DNAH8: variants seen among roughly 807,000 people sequenced by gnomAD.
DNAH8 encodes dynein axonemal heavy chain 8.
DNAH8 carries 382 observed loss-of-function variants against 562.1 expected under a neutral mutation model. That is an observed-to-expected ratio of 0.68 (90% CI 0.63 to 0.74). The LOEUF is 0.74. Among genes scored for constraint, DNAH8 ranks in the 30% least tolerant of loss-of-function variants. The pLI is 0.00. For synonymous variants in DNAH8, 1,881 were observed against 1,919.4 expected (o/e 0.98, Z 0.52); for missense variants, 5,203 against 5,620.4 (o/e 0.93, Z 2.37).
intron 57 of DNAH8, among the ~76,000 whole-genome samples, chr6:38,888,487 T>A (rs1779115100): frequency 6.6e-6 from 1 of 152,024 alleles, no homozygotes; most frequent in Non-Finnish European, 1.5e-5. Flanking sequence ...ACACATATAA[T>A]AACAACAAAA....
chr6:38,733,972 T>A, intron 4 of DNAH8, among the ~76,000 whole-genome samples: 1 of 128,178 alleles, frequency 7.8e-6, no homozygotes, highest in African/African-American at 2.8e-5. Context: ...AGTGGCTCCA[T>A]CTAAAAAAAA....
rs1425855827 is a variant in DNAH8, at chr6:38,965,637, C to G, written c.12452-5955C>G. 3.9e-5 allele frequency among the ~76,000 whole-genome samples: 6 copies of G among 152,210 alleles called. No individual in the cohort carries two copies. The East Asian group carries it at 1.2e-3, about 29-fold the overall frequency. On this transcript the variant is annotated intron_variant, in intron 82 of 92. Transcript: ENST00000327475. The stretch of plus-strand genomic sequence containing the variant: ...CAAATACAAACAATTAAAACAAAAC[C>G]TAAACCACCAAAGTGTAATTATACT...
At chr6:38,774,505 C>G (rs1049519008) in intron 12 of DNAH8, among the ~76,000 whole-genome samples, 1 of 152,154 alleles carries the variant, frequency 6.6e-6, no homozygotes, top group Non-Finnish European at 1.5e-5. Context: ...TTATGTTGCT[C>G]TGTGTGGTAT....
intron 56 of DNAH8, among the ~76,000 whole-genome samples, chr6:38,884,732 G>C (rs1478554385): frequency 7.2e-5 from 11 of 152,128 alleles, no homozygotes; most frequent in Non-Finnish European, 1.5e-5. Flanking sequence ...TTTCTGAGGA[G>C]TACGTGATGT....
At chr6:38,942,054 G>A (rs1449897669) in intron 79 of DNAH8, among the ~76,000 whole-genome samples, 2 of 152,104 alleles carry the variant, frequency 1.3e-5, no homozygotes, top group African/African-American at 4.8e-5. Flanking sequence ...CATGAAAGGA[G>A]CCATCTATGC....
At chr6:38,941,019 C>T (rs1431001993) in intron 79 of DNAH8, among the ~76,000 whole-genome samples, 1 of 151,834 alleles carries the variant, frequency 6.6e-6, no homozygotes. Flanking sequence ...ACTCGGGAAG[C>T]TGAAGCAGGA....
At chr6:38,982,142 G>T (rs142823278) in intron 85 of DNAH8, among the ~76,000 whole-genome samples, 1 of 152,162 alleles carries the variant, frequency 6.6e-6, no homozygotes, top group Admixed American at 6.5e-5. Context: ...AGATGTTTGC[G>T]TGAGGAAATT....
Position 39,012,254 on chromosome 6 carries a change from A to G in DNAH8, c.13411A>G (p.Met4471Val), listed in dbSNP as rs979919245. 26 of 1,611,930 alleles carry G rather than the reference A, an allele frequency of 1.6e-5. No individual in the cohort carries two copies. Among genetic ancestry groups the G allele is most frequent in the South Asian group, 3.3e-5 (3 of 90,978 alleles). ...GATAAAGATGGGCCATCTTAATTCA[A>G]TGAACATATTTCTTAGACAAGAAAT... ...RLIKMGHLNS[M>V]NIFLRQEIDR... The change falls in exon 90 of 93, where the codon ATG becomes GTG. Residue 4471 changes from methionine (M) to valine (V), a missense_variant. This residue lies in a region of DNAH8 where 1,399 missense variants were observed against 1,518.4 expected (regional missense o/e 0.92). Transcript: ENST00000327475.
chr6:38,829,270 C>A (rs113216370), intron 30 of DNAH8, among the ~76,000 whole-genome samples: 6 of 152,104 alleles, frequency 3.9e-5, no homozygotes, highest in African/African-American at 1.4e-4. Context: ...CAAATGTTTT[C>A]TCTTCTGTGG....
rs76963588 is a variant in DNAH8, at chr6:38,810,988, T to C, written c.3258-3066T>C. 1.1e-3 allele frequency among the ~76,000 whole-genome samples: 170 copies of C among 152,330 alleles called. 2 individuals are homozygous for C. The highest frequency in any genetic ancestry group is 3.9e-3 in the African/African-American group (164 of 41,582). On this transcript the variant is annotated intron_variant, in intron 24 of 92. Coordinates refer to ENST00000327475, the MANE Select transcript of DNAH8 (RefSeq NM_001206927.2). Reference sequence around the variant, plus strand: ...TTTCTTCATTTTTTTCTGAGTTTTGTTGCTGCTGATGAGAAGTCTGCAAGA... The same window carrying C: ...TTTCTTCATTTTTTTCTGAGTTTTGCTGCTGCTGATGAGAAGTCTGCAAGA...
intron 57 of DNAH8, 142 bp from the exon 58 acceptor site, chr6:38,890,510 C>T (rs1326082173): frequency 4.7e-6 from 3 of 643,676 alleles, no homozygotes; most frequent in South Asian, 1.9e-5. Flanking sequence ...CCACTACTGA[C>T]TCCCAGTCTT....
chr6:38,789,516 C>T (rs535871003), intron 18 of DNAH8, among the ~76,000 whole-genome samples: 31 of 152,108 alleles, frequency 2.0e-4, no homozygotes, highest in South Asian at 6.2e-4. Context: ...TGACAGATAT[C>T]ACAAAAAGAT....
rs946839192 is a variant in DNAH8 at position 38,842,380 on chromosome 6, C to G, written c.4479C>G (p.Asn1493Lys). 11 of 1,601,552 alleles carry G rather than the reference C, an allele frequency of 6.9e-6. No individual in the cohort carries two copies. In the Admixed American group the frequency reaches 7.0e-5, roughly 10 times the overall value. Reference sequence around the variant, plus strand: ...CTTTGTTTCCCAGAAAAGAACTCAACTTGCTGCAGAAGCTGTATGGATTGT... The same window carrying G: ...CTTTGTTTCCCAGAAAAGAACTCAAGTTGCTGCAGAAGCTGTATGGATTGT... Reference protein sequence around the residue: ...EVLHKTRKELNLLQKLYGLYD... With the variant: ...EVLHKTRKELKLLQKLYGLYD... The change falls in exon 34 of 93, where the codon AAC (asparagine) becomes AAG (lysine). Residue 1493 changes from asparagine to lysine, a missense_variant. Physicochemically the swap from Asn to Lys is moderately conservative, Grantham distance 94. This residue lies in a region of DNAH8 where 2,176 missense variants were observed against 2,365.1 expected (regional missense o/e 0.92). Transcript: ENST00000327475.
intron 87 of DNAH8, among the ~76,000 whole-genome samples, chr6:38,988,340 G>T (rs1031637243): frequency 6.6e-6 from 1 of 152,158 alleles, no homozygotes; most frequent in Non-Finnish European, 1.5e-5. Flanking sequence ...TGTATAAAGT[G>T]CTGGGAAAAT....
intron 31 of DNAH8, among the ~76,000 whole-genome samples, chr6:38,833,017 A>T (rs1314301660): frequency 2.6e-5 from 4 of 152,254 alleles, no homozygotes; most frequent in African/African-American, 9.6e-5. Flanking sequence ...TTGATTTTGC[A>T]TTCTCACTAA....
At position 38,737,143 on chromosome 6, in the gene DNAH8, T is replaced by A; in HGVS notation, c.839T>A (p.Leu280Gln). 1 of 1,586,452 alleles carries A rather than the reference T, an allele frequency of 6.3e-7. No homozygotes were observed. Among genetic ancestry groups the A allele is most frequent in the Non-Finnish European group, 8.6e-7 (1 of 1,168,280 alleles). The stretch of plus-strand genomic sequence containing the variant: ...AGGGATATGTTGGCAAATATATTTC[T>A]ACCAGCTGTTCTTGCAACAAACAAC... ...GIRDMLANIFLPAVLATNNWG... is the reference protein window; with the variant it reads ...GIRDMLANIFQPAVLATNNWG... The change falls in exon 6 of 93, where the codon CTA becomes CAA. Residue 280 changes from leucine to glutamine, a missense_variant. Transcript: ENST00000327475.
chr6:38,819,028 T>C (rs1772574959), intron 26 of DNAH8, among the ~76,000 whole-genome samples: 2 of 152,210 alleles, frequency 1.3e-5, no homozygotes, highest in Admixed American at 1.3e-4. Flanking sequence ...ATGCCCTGAT[T>C]GTCATGACAC....
intron 59 of DNAH8, 22 bp downstream of exon 59, chr6:38,894,886 TTTA>T: frequency 3.1e-6 from 5 of 1,601,880 alleles, no homozygotes; most frequent in Non-Finnish European, 4.3e-6. Context: ...GGCACTAGAG[TTTA>T]AATGTATGAC....
chr6:38,938,310 A>G (rs940950495), intron 78 of DNAH8, 84 bp downstream of exon 78: 4 of 1,471,244 alleles, frequency 2.7e-6, no homozygotes, highest in Non-Finnish European at 3.7e-6. Flanking sequence ...CTTTTTCACT[A>G]TTCACAATAG....
Sources: allele counts gnomAD v4.1 joint callset (sites outside exome capture counted in the v4.1 genomes callset), GRCh38; gene constraint gnomAD v4.1.1; regional missense constraint gnomAD v4.1.1; transcripts MANE v1.5; gene names NCBI Gene and HGNC (gene_info 2026-07-23, HGNC 2026-07-21).